PSMA8: variants seen among roughly 807,000 people sequenced by gnomAD.
The protein encoded by PSMA8 is proteasome 20S subunit alpha 8, also known as proteasome subunit alpha-type 8.
Under a neutral mutation model 32.4 loss-of-function variants are expected in PSMA8, and 18 were observed. The ratio of observed to expected loss-of-function variants is 0.56; its 90% confidence interval spans 0.38 to 0.82. The LOEUF is 0.82. PSMA8 is among the 40% of genes least tolerant of loss of function. The pLI, the probability that PSMA8 is intolerant of heterozygous loss-of-function variation, is 0.00. For missense variants in PSMA8, 298 were observed against 300.7 expected, an observed-to-expected ratio of 0.99 and a Z score of 0.07; for synonymous variants, 104 against 98.1, an observed-to-expected ratio of 1.06 and a Z score of -0.36.
intron 6 of PSMA8, among the ~76,000 whole-genome samples, chr18:26,183,386 C>T (rs924352131): frequency 7.4e-5 from 11 of 148,436 alleles, no homozygotes; most frequent in Non-Finnish European, 1.2e-4. Flanking sequence ...AGCAAGACTC[C>T]GTCTAAAAAA....
chr18:26,180,831 G>C (rs1357647688), intron 6 of PSMA8, among the ~76,000 whole-genome samples: 2 of 152,192 alleles, frequency 1.3e-5, no homozygotes, highest in Admixed American at 1.3e-4. Flanking sequence ...AGGCTATGTA[G>C]GGAATAGAAC....
chr18:26,184,180 C>A (rs759882385), intron 6 of PSMA8, among the ~76,000 whole-genome samples: 2 of 150,480 alleles, frequency 1.3e-5, no homozygotes, highest in Non-Finnish European at 3.0e-5. Context: ...CACAATTTTT[C>A]CAAGGTATGC....
intron 6 of PSMA8, among the ~76,000 whole-genome samples, chr18:26,182,867 G>C (rs2055322803): frequency 6.6e-6 from 1 of 152,042 alleles, no homozygotes; most frequent in Non-Finnish European, 1.5e-5. Context: ...GGAGGCAGGT[G>C]GATCACTTGA....
At chr18:26,159,199 T>C (rs991402901) in intron 4 of PSMA8, among the ~76,000 whole-genome samples, 3 of 152,196 alleles carry the variant, frequency 2.0e-5, no homozygotes, top group African/African-American at 4.8e-5. Flanking sequence ...CCAAATAAAT[T>C]AATGGAGAAA....
chr18:26,147,856 G>T (rs965722776), intron 2 of PSMA8, among the ~76,000 whole-genome samples: 30 of 152,128 alleles, frequency 2.0e-4, no homozygotes, highest in African/African-American at 6.8e-4. Context: ...CAAGTAAAAT[G>T]AGAAATGAAG....
At chr18:26,141,998 ACAT>A (rs2054961563) in intron 1 of PSMA8, among the ~76,000 whole-genome samples, 1 of 150,640 alleles carries the variant, frequency 6.6e-6, no homozygotes, top group Admixed American at 6.6e-5. Flanking sequence ...GCCTAGTTCT[ACAT>A]TTCATCTATT....
intron 1 of PSMA8, chr18:26,140,078 G>T (rs1178120377): frequency 1.4e-6 from 1 of 702,838 alleles, no homozygotes; most frequent in East Asian, 2.7e-5. Context: ...CGATTCTTGT[G>T]GCCTGGCATG....
intron 4 of PSMA8, chr18:26,171,177 C>T: frequency 1.3e-6 from 2 of 1,559,570 alleles, no homozygotes; most frequent in East Asian, 2.4e-5. Context: ...TGTGGTCATT[C>T]TCTGGAAATA....
chr18:26,154,955 C>T (rs537476395), intron 3 of PSMA8, among the ~76,000 whole-genome samples: 3 of 147,820 alleles, frequency 2.0e-5, no homozygotes, highest in East Asian at 4.5e-4. Flanking sequence ...AGTCTAGGCA[C>T]GGTGGCTTAT....
At chr18:26,173,659 C>A (rs959412807) in intron 4 of PSMA8, among the ~76,000 whole-genome samples, 5 of 151,700 alleles carry the variant, frequency 3.3e-5, no homozygotes, top group Admixed American at 6.6e-5. Context: ...CAGGTTCAAG[C>A]GATTCTCCTG....
chr18:26,146,104 A>G (rs1213458309), intron 2 of PSMA8, among the ~76,000 whole-genome samples: 2 of 151,170 alleles, frequency 1.3e-5, no homozygotes, highest in Non-Finnish European at 1.5e-5. Flanking sequence ...CACGGCTAAT[A>G]ATTTTGAACT....
chr18:26,148,018 T>C (rs1178485909), intron 2 of PSMA8, among the ~76,000 whole-genome samples: 2 of 152,092 alleles, frequency 1.3e-5, no homozygotes, highest in Non-Finnish European at 2.9e-5. Context: ...CAATAAGACA[T>C]TGAATGAGTT....
intron 4 of PSMA8, among the ~76,000 whole-genome samples, chr18:26,177,111 C>T (rs915852356): frequency 6.6e-6 from 1 of 152,126 alleles, no homozygotes; most frequent in Non-Finnish European, 1.5e-5. Context: ...ATTCAGACCA[C>T]GGTTTCAAAG....
In PSMA8 at chr18:26,144,753, T is replaced by C; in HGVS notation, c.229+68T>C. 2.1e-6 allele frequency: 3 copies of C among 1,433,676 alleles called. No homozygotes were observed. In the South Asian group the frequency reaches 3.7e-5, roughly 18 times the overall value. 88.8% of individuals were successfully genotyped at this position (1,433,676 alleles called of 1,614,324 possible). The stretch of plus-strand genomic sequence containing the variant: ...AGTAGGGCAACACAGTTAACCTCAG[T>C]GCTGCAGTTGTGCTATATTTATAAA... On this transcript the variant is annotated intron_variant, in intron 2 of 6. Transcript: ENST00000415576.
chr18:26,144,608 C>T lies in PSMA8; in HGVS notation c.152C>T (p.Ser51Phe), dbSNP rs1457971306. ...NIVVLGVEKK[S>F]VAKLQDERTV... ...GTTGTTCTTGGGGTAGAAAAAAAAT[C>T]TGTTGCCAAGCTTCAAGATGAAAGA... is the stretch of plus-strand genomic sequence containing the variant. The change falls in exon 2 of 7, where the codon TCT becomes TTT. Residue 51 changes from serine (S) to phenylalanine (F), a missense_variant. Coordinates refer to ENST00000415576, the MANE Select transcript of PSMA8 (RefSeq NM_001025096.2). 6.2e-7 allele frequency: 1 copy of T among 1,613,522 alleles called. No homozygotes were observed. The highest frequency in any genetic ancestry group is 8.5e-7 in the Non-Finnish European group (1 of 1,179,702).
intron 6 of PSMA8, among the ~76,000 whole-genome samples, chr18:26,183,627 A>C (rs2055330316): frequency 6.6e-6 from 1 of 150,768 alleles, no homozygotes; most frequent in East Asian, 2.0e-4. Flanking sequence ...AAGATGAGAA[A>C]AGAATGTGGT....
chr18:26,179,924 A>G (rs1598669064), intron 6 of PSMA8, among the ~76,000 whole-genome samples: 3 of 144,848 alleles, frequency 2.1e-5, no homozygotes, highest in South Asian at 4.3e-4. Context: ...CATCTCTATG[A>G]AAAAAAAAAA....
chr18:26,161,260 A>G (rs1313047947), intron 4 of PSMA8, among the ~76,000 whole-genome samples: 1 of 152,230 alleles, frequency 6.6e-6, no homozygotes, highest in Non-Finnish European at 1.5e-5. Context: ...CAAGTGGGCC[A>G]TTAAGGATAT....
intron 4 of PSMA8, chr18:26,170,958 A>G: frequency 6.4e-7 from 1 of 1,556,710 alleles, no homozygotes; most frequent in East Asian, 2.4e-5. Flanking sequence ...GACCATGTCT[A>G]CTTTATTTGC....
Sources: gnomAD v4.1 joint callset for allele counts (sites outside exome capture counted in the v4.1 genomes callset) on GRCh38, gnomAD v4.1.1 for gene constraint, MANE v1.5 for transcripts, NCBI Gene and HGNC (gene_info 2026-07-23, HGNC 2026-07-21) for gene names.